THADA: variants seen among roughly 807,000 people sequenced by gnomAD.
THADA encodes tRNA (32-2'-O)-methyltransferase regulator THADA.
In THADA, 213 loss-of-function variants were observed where a neutral mutation model predicts 219.8. That is an observed-to-expected ratio of 0.97 (90% CI 0.87 to 1.09). THADA has a LOEUF of 1.09. Among genes scored for constraint, THADA ranks in the 50% least tolerant of loss-of-function variants. THADA has a pLI of 0.00. For synonymous variants in THADA, 1,018 were observed against 828.9 expected (o/e 1.23, Z -3.92); for missense variants, 2,956 against 2,311.3 (o/e 1.28, Z -5.72).
chr2:43,499,868 G>A (rs1401147456), intron 24 of THADA, among the ~76,000 whole-genome samples: 3 of 151,844 alleles, frequency 2.0e-5, no homozygotes, highest in Non-Finnish European at 4.4e-5. Context: ...GGTAAGTGAC[G>A]AATTAAGTCA....
At chr2:43,304,767 G>A (rs537210878) in intron 31 of THADA, among the ~76,000 whole-genome samples, 1 of 152,046 alleles carries the variant, frequency 6.6e-6, no homozygotes, top group East Asian at 1.9e-4. Context: ...CGCCTTTCGG[G>A]TTCAAGTGGT....
At chr2:43,428,400 G>A (rs988220966) in intron 27 of THADA, among the ~76,000 whole-genome samples, 169 bp from the exon 28 acceptor site, 1 of 152,176 alleles carries the variant, frequency 6.6e-6, no homozygotes, top group South Asian at 2.1e-4. Flanking sequence ...GTGAGGTCAG[G>A]AGTTCAAGAC....
chr2:43,393,191 T>G (rs1673609929), intron 29 of THADA, among the ~76,000 whole-genome samples: 1 of 152,206 alleles, frequency 6.6e-6, no homozygotes, highest in African/African-American at 2.4e-5. Context: ...GGGTCGCAGC[T>G]TCCCTGGGTT....
intron 24 of THADA, among the ~76,000 whole-genome samples, chr2:43,502,073 G>C (rs6544665): frequency 6.6e-6 from 1 of 152,046 alleles, no homozygotes; most frequent in African/African-American, 2.4e-5. Context: ...AAAAGGATGT[G>C]TTATAACAGA....
chr2:43,595,494 G>A (rs1369380802), intron 1 of THADA, among the ~76,000 whole-genome samples: 1 of 152,152 alleles, frequency 6.6e-6, no homozygotes, highest in Admixed American at 6.6e-5. Context: ...CAATTCTGAG[G>A]GCTACACAAA....
chr2:43,583,715 T>C (rs1474951739), intron 7 of THADA, among the ~76,000 whole-genome samples: 1 of 152,146 alleles, frequency 6.6e-6, no homozygotes, highest in Non-Finnish European at 1.5e-5. Flanking sequence ...AATGGGATAT[T>C]ATTCGGCCAC....
At chr2:43,524,292 T>C (rs1295561825) in intron 22 of THADA, among the ~76,000 whole-genome samples, 1 of 152,240 alleles carries the variant, frequency 6.6e-6, no homozygotes, top group Non-Finnish European at 1.5e-5. Context: ...TCCCTATTTA[T>C]TCTTAGATGA....
chr2:43,411,939 G>A (rs1676358497), intron 28 of THADA, among the ~76,000 whole-genome samples: 1 of 152,116 alleles, frequency 6.6e-6, no homozygotes, highest in Non-Finnish European at 1.5e-5. Flanking sequence ...GTTTTAAGAT[G>A]GGAAACATGT....
intron 28 of THADA, among the ~76,000 whole-genome samples, chr2:43,427,503 TTGTGTGTGTGTGTGTGTG>T (rs70963397): frequency 2.8e-5 from 4 of 140,598 alleles, no homozygotes; most frequent in African/African-American, 5.3e-5. Flanking sequence ...CTCCCAAAGT[TTGTGTGTGTGTGTGTGTG>T]TGTGTGTGTG....
chr2:43,445,166 C>T (rs139381687), intron 26 of THADA, among the ~76,000 whole-genome samples: 18 of 151,706 alleles, frequency 1.2e-4, no homozygotes, highest in African/African-American at 4.1e-4. Context: ...AAAACAGCAA[C>T]CTCATCTTAA....
intron 25 of THADA, chr2:43,486,728 C>T (rs1042629398): frequency 6.6e-6 from 1 of 152,162 alleles, no homozygotes; most frequent in Non-Finnish European, 1.5e-5. Context: ...AGCTGAGTTG[C>T]TGCCATGAGG....
At chr2:43,321,184 T>C (rs995302793) in intron 30 of THADA, among the ~76,000 whole-genome samples, 6 of 152,232 alleles carry the variant, frequency 3.9e-5, no homozygotes, top group African/African-American at 1.4e-4. Flanking sequence ...AGAAAGACTT[T>C]CTTTTTAAGA....
At chr2:43,485,101 T>C in intron 26 of THADA, 133 bp downstream of exon 26, 1 of 641,776 alleles carries the variant, frequency 1.6e-6, no homozygotes, top group South Asian at 2.3e-5. Context: ...CATAGGTTAA[T>C]TCATTACAGT....
chr2:43,322,554 CA>C (rs1393635075), intron 30 of THADA, among the ~76,000 whole-genome samples: 1 of 151,398 alleles, frequency 6.6e-6, no homozygotes, highest in Non-Finnish European at 1.5e-5. Flanking sequence ...TGAAAAAGCA[CA>C]AAAGGACACG....
intron 31 of THADA, among the ~76,000 whole-genome samples, chr2:43,317,218 T>G (rs562537872): frequency 6.6e-6 from 1 of 152,260 alleles, no homozygotes; most frequent in Non-Finnish European, 1.5e-5. Flanking sequence ...GAGGCAGATA[T>G]ATATTTACAT....
At chr2:43,353,780 C>A (rs1259461166) in intron 29 of THADA, among the ~76,000 whole-genome samples, 1 of 151,690 alleles carries the variant, frequency 6.6e-6, no homozygotes, top group African/African-American at 2.4e-5. Flanking sequence ...CTCAGCCTCC[C>A]AAGTAGCTGG....
chr2:43,439,300 C>T (rs1390584467), intron 26 of THADA, among the ~76,000 whole-genome samples: 1 of 152,132 alleles, frequency 6.6e-6, no homozygotes, highest in Admixed American at 6.5e-5. Context: ...AGATCACACT[C>T]GTTTAACTTT....
intron 36 of THADA, among the ~76,000 whole-genome samples, chr2:43,254,148 G>A (rs1222675984): frequency 1.3e-5 from 2 of 152,020 alleles, no homozygotes; most frequent in East Asian, 3.9e-4. Context: ...GATTAGATCA[G>A]GGATAGGCCT....
chr2:43,312,171 A>C (rs1365370760), intron 31 of THADA, among the ~76,000 whole-genome samples: 2 of 151,336 alleles, frequency 1.3e-5, no homozygotes, highest in Non-Finnish European at 2.9e-5. Flanking sequence ...GCGAGCCATG[A>C]CTGTGCCACT....
Sources: allele counts gnomAD v4.1 joint callset (sites outside exome capture counted in the v4.1 genomes callset), GRCh38; gene constraint gnomAD v4.1.1; transcripts MANE v1.5; gene names NCBI Gene and HGNC (gene_info 2026-07-23, HGNC 2026-07-21).